The following TOPAZ1 variants were observed in gnomAD, a reference collection of about 807,000 sequenced individuals.
TOPAZ1 encodes testis and ovary specific TOPAZ 1.
TOPAZ1 carries 66 observed loss-of-function variants against 172.2 expected under a neutral mutation model. That is an observed-to-expected ratio of 0.38 (90% confidence interval 0.31 to 0.47). TOPAZ1 has a LOEUF of 0.47. Among genes scored for constraint, TOPAZ1 ranks in the 20% least tolerant of loss-of-function variants. TOPAZ1 has a pLI of 0.99. For synonymous variants in TOPAZ1, 681 were observed against 683.9 expected, an observed-to-expected ratio of 1.00 and a Z score of 0.07; for missense variants, 1,822 against 1,972.4, an observed-to-expected ratio of 0.92 and a Z score of 1.44.
Position 44,331,846 on chromosome 3 carries a change from G to A in TOPAZ1, c.4914G>A (p.Arg1638=), listed in dbSNP as rs1420494307. 1 of 1,552,094 alleles carries A rather than the reference G, an allele frequency of 6.4e-7. No homozygotes were observed. Among genetic ancestry groups the A allele is most frequent in the Non-Finnish European group, 8.7e-7 (1 of 1,147,092 alleles). ...SNDDYQAAVE[R]LIMAARISDP... The stretch of plus-strand genomic sequence containing the variant: ...ATGATTATCAAGCTGCAGTAGAAAG[G>A]TTAATTATGGCTGCTCGTATATCAG... Residue 1638 remains arginine (R), a synonymous_variant, in exon 20 of 20, where the codon AGG becomes AGA. Transcript: ENST00000309765.
chr3:44,318,357 C>T (rs1029023993), intron 16 of TOPAZ1, among the ~76,000 whole-genome samples: 1 of 152,018 alleles, frequency 6.6e-6, no homozygotes, highest in East Asian at 1.9e-4. Context: ...GAGGCTGAGG[C>T]AGGAGAATCA....
intron 2 of TOPAZ1, among the ~76,000 whole-genome samples, chr3:44,253,936 G>C (rs1240862010): frequency 6.6e-6 from 1 of 152,104 alleles, no homozygotes; most frequent in Non-Finnish European, 1.5e-5. Flanking sequence ...TTTATTCTGT[G>C]TACTTTGATA....
At chr3:44,310,454 G>A (rs1039405758) in intron 16 of TOPAZ1, among the ~76,000 whole-genome samples, 11 of 152,010 alleles carry the variant, frequency 7.2e-5, no homozygotes, top group East Asian at 3.9e-4. Flanking sequence ...AGCCGAGATC[G>A]CGCAATTGCA....
chr3:44,297,369 C>G (rs1700211737), intron 12 of TOPAZ1, among the ~76,000 whole-genome samples: 1 of 145,760 alleles, frequency 6.9e-6, no homozygotes, highest in Non-Finnish European at 1.6e-5. Flanking sequence ...TTCATCATAT[C>G]TACAACATAA....
At position 44,309,814 on chromosome 3, in the gene TOPAZ1, T is replaced by G; in HGVS notation, c.4141-11T>G. 6.8e-7 allele frequency: 1 copy of G among 1,476,858 alleles called. No individual in the cohort carries two copies. The highest frequency in any genetic ancestry group is 9.1e-7 in the Non-Finnish European group (1 of 1,101,178). The allele number at this position is 1,476,858 out of a possible 1,614,324, so 91.5% of individuals were successfully genotyped here. On this transcript the variant is annotated splice_polypyrimidine_tract_variant and intron_variant, in intron 15 of 19. Transcript: ENST00000309765. ...TTGATACCCAATTAGTGTTCTTTAT[T>G]TTTATTCTAGGGAAGGAAGGTCTTA...
intron 18 of TOPAZ1, among the ~76,000 whole-genome samples, chr3:44,327,872 G>A (rs548030520): frequency 5.2e-4 from 79 of 152,094 alleles, no homozygotes; most frequent in Non-Finnish European, 1.0e-3. Context: ...AGCCTCCCGA[G>A]TTGCTGGGAC....
chr3:44,305,133 A>T lies in TOPAZ1; in HGVS notation c.3865-14A>T. 1 of 1,473,592 alleles carries T rather than the reference A, an allele frequency of 6.8e-7. No homozygotes were observed. The highest frequency in any genetic ancestry group is 2.7e-5 in the Admixed American group (1 of 36,576). 91.3% of individuals were successfully genotyped at this position (1,473,592 alleles called of 1,614,324 possible). On this transcript the variant is annotated splice_polypyrimidine_tract_variant and intron_variant, in intron 13 of 19. Transcript: ENST00000309765. The stretch of plus-strand genomic sequence containing the variant: ...TCTTTTTCTTTTTTGTTTTGTTTTT[A>T]ATAATTTTGATAGCATTGTAAAGAA...
At chr3:44,281,855 C>A in intron 8 of TOPAZ1, 113 bp from the exon 9 acceptor site, 6 of 620,348 alleles carry the variant, frequency 9.7e-6, no homozygotes, top group Non-Finnish European at 1.4e-5. Context: ...TTATTCCAAT[C>A]CTTTGAGATC....
At chr3:44,288,378 T>C (rs907614016) in intron 11 of TOPAZ1, among the ~76,000 whole-genome samples, 1 of 151,854 alleles carries the variant, frequency 6.6e-6, no homozygotes, top group Admixed American at 6.6e-5. Context: ...TGCCTAGAGA[T>C]GTTTGGAATC....
chr3:44,314,395 T>C (rs977017552), intron 16 of TOPAZ1, among the ~76,000 whole-genome samples: 1 of 152,216 alleles, frequency 6.6e-6, no homozygotes, highest in African/African-American at 2.4e-5. Context: ...GCTAAGTGTA[T>C]TATTTGTGTC....
At chr3:44,326,498 G>A (rs1490006796) in intron 18 of TOPAZ1, among the ~76,000 whole-genome samples, 1 of 151,482 alleles carries the variant, frequency 6.6e-6, no homozygotes, top group South Asian at 2.1e-4. Flanking sequence ...TTTTGATTGG[G>A]TTTTTTTGGT....
chr3:44,323,750 GTA>G (rs1266769739), intron 18 of TOPAZ1, among the ~76,000 whole-genome samples: 3 of 152,160 alleles, frequency 2.0e-5, no homozygotes, highest in Admixed American at 6.5e-5. Context: ...ATGCAACATA[GTA>G]TATGTTTTTC....
At position 44,243,552 on chromosome 3, in the gene TOPAZ1, T is replaced by C; in HGVS notation, c.1046T>C (p.Phe349Ser). ...KADETVTEMN[F>S]SNEYNKSELM... ...GATGAAACAGTTACTGAGATGAACT[T>C]CTCTAATGAGTATAACAAGTCTGAG... The change falls in exon 2 of 20, where the codon TTC (phenylalanine) becomes TCC (serine). Residue 349 changes from phenylalanine to serine, a missense_variant. Phe to Ser is a radical substitution (Grantham distance 155). Transcript: ENST00000309765. 1.3e-6 allele frequency: 2 copies of C among 1,551,366 alleles called. No homozygotes were observed. Among genetic ancestry groups the C allele is most frequent in the Non-Finnish European group, 1.7e-6 (2 of 1,146,954 alleles).
In TOPAZ1 at chr3:44,269,466, A is replaced by G. The variant is rs1361093380; in HGVS notation, c.3246+165A>G. Reference sequence around the variant, plus strand: ...TTGGACCTTTTGATTGTATTTCCCTATCATCTTTTTTTTTTTTTTTTTTTT... The same window carrying G: ...TTGGACCTTTTGATTGTATTTCCCTGTCATCTTTTTTTTTTTTTTTTTTTT... On this transcript the variant is annotated intron_variant, in intron 7 of 19. Transcript: ENST00000309765. 1.2e-4 allele frequency among the ~76,000 whole-genome samples: 5 copies of G among 40,986 alleles called. No individual in the cohort carries two copies. The East Asian group carries it at 2.0e-3, about 16-fold the overall frequency. The allele number at this position is 40,986 out of a possible 152,430, so 26.9% of individuals were successfully genotyped here. A position where few individuals can be genotyped will look rare whatever the true frequency, so the allele number is the denominator to read the frequency against.
chr3:44,302,890 T>C (rs1183389838), intron 12 of TOPAZ1, among the ~76,000 whole-genome samples: 1 of 152,212 alleles, frequency 6.6e-6, no homozygotes, highest in Admixed American at 6.5e-5. Flanking sequence ...TTTCCCGGGC[T>C]GGGGTGCAGT....
At chr3:44,276,591 G>T (rs1330190138) in intron 8 of TOPAZ1, among the ~76,000 whole-genome samples, 2 of 122,156 alleles carry the variant, frequency 1.6e-5, no homozygotes, top group East Asian at 2.4e-4. Flanking sequence ...AATGTATTTT[G>T]AAGTGAGGTA....
At chr3:44,262,038 A>T (rs1315107112) in intron 4 of TOPAZ1, among the ~76,000 whole-genome samples, 1 of 152,178 alleles carries the variant, frequency 6.6e-6, no homozygotes, top group South Asian at 2.1e-4. Flanking sequence ...ACATTTAAAT[A>T]TTTCTTATGA....
chr3:44,332,070 G>T lies in TOPAZ1; in HGVS notation c.*59G>T. ...CAAGTAATCATTGTTGAAAATAAAA[G>T]GCAATAAAAATAGACAGTTTTCACT... On this transcript the variant is annotated 3_prime_UTR_variant, in exon 20 of 20. Coordinates refer to ENST00000309765, the MANE Select transcript of TOPAZ1 (RefSeq NM_001145030.2). The T allele has an allele frequency of 8.1e-7, 1 of 1,232,062 alleles. No homozygotes were observed. The highest frequency in any genetic ancestry group is 1.1e-6 in the Non-Finnish European group (1 of 889,416). 76.3% of individuals were successfully genotyped at this position (1,232,062 alleles called of 1,614,324 possible).
In TOPAZ1 at chr3:44,243,046, C is replaced by G. The variant is rs551496939; in HGVS notation, c.540C>G (p.Asn180Lys). 1.4e-5 allele frequency: 22 copies of G among 1,543,926 alleles called. No individual in the cohort carries two copies. The highest frequency in any genetic ancestry group is 1.9e-5 in the Non-Finnish European group (22 of 1,145,098). The part of the protein sequence containing the change: ...IRNKKLKSLE[N>K]PPLKITENEA... ...ATAAAAAACTTAAAAGCTTAGAAAA[C>G]CCACCTCTCAAAATAACCGAAAATG... Residue 180 changes from asparagine to lysine, a missense_variant, in exon 2 of 20, where the codon AAC (asparagine) becomes AAG (lysine). Transcript: ENST00000309765.
Sources: allele counts gnomAD v4.1 joint callset (sites outside exome capture counted in the v4.1 genomes callset), GRCh38; gene constraint gnomAD v4.1.1; transcripts MANE v1.5; gene names NCBI Gene and HGNC (gene_info 2026-07-23, HGNC 2026-07-21).